ZMIZ1: variants seen among roughly 807,000 people sequenced by gnomAD.
The protein encoded by ZMIZ1 is zinc finger MIZ-type containing 1.
ZMIZ1 carries 17 observed loss-of-function variants against 113.9 expected under a neutral mutation model. That is an observed-to-expected ratio of 0.15 (90% confidence interval 0.10 to 0.22). ZMIZ1 has a LOEUF of 0.22. Among genes scored for constraint, ZMIZ1 ranks in the 10% least tolerant of loss-of-function variants. The pLI is 1.00. For synonymous variants in ZMIZ1, 607 were observed against 603.1 expected, an observed-to-expected ratio of 1.01 and a Z score of -0.09; for missense variants, 1,059 against 1,477.8, an observed-to-expected ratio of 0.72 and a Z score of 4.65.
intron 10 of ZMIZ1, 113 bp downstream of exon 10, chr10:79,291,289 C>T (rs1853479195): frequency 7.7e-7 from 1 of 1,301,480 alleles, no homozygotes; most frequent in African/African-American, 1.5e-5. Flanking sequence ...GAGAAGTTAT[C>T]CTCTGTTGTT....
At chr10:79,254,522 C>T (rs1280011710) in intron 7 of ZMIZ1, among the ~76,000 whole-genome samples, 2 of 152,246 alleles carry the variant, frequency 1.3e-5, no homozygotes, top group South Asian at 2.1e-4. Flanking sequence ...GATCCACCCA[C>T]GATGGGGCCT....
At chr10:79,196,747 C>T (rs573672828) in intron 4 of ZMIZ1, among the ~76,000 whole-genome samples, 1 of 152,360 alleles carries the variant, frequency 6.6e-6, no homozygotes, top group Non-Finnish European at 1.5e-5. Context: ...TTCCAGGCAA[C>T]AAGCATTTAT....
In ZMIZ1 at chr10:79,294,291, G is replaced by A. The variant is rs951697150; in HGVS notation, c.1230+638G>A. Reference sequence around the variant, plus strand: ...GGGAAGTGACTGGAAGGCAGACAGCGTGTTTCTTAGCTCTTGTTTCCATCC... The same window carrying A: ...GGGAAGTGACTGGAAGGCAGACAGCATGTTTCTTAGCTCTTGTTTCCATCC... On this transcript the variant is annotated intron_variant, in intron 12 of 24. Coordinates refer to ENST00000334512, the MANE Select transcript of ZMIZ1 (RefSeq NM_020338.4). 1.9e-5 allele frequency: 3 copies of A among 156,734 alleles called. No individual in the cohort carries two copies. The South Asian group carries it at 5.5e-4, about 29-fold the overall frequency. 9.7% of individuals were successfully genotyped at this position (156,734 alleles called of 1,614,324 possible).
intron 1 of ZMIZ1, among the ~76,000 whole-genome samples, chr10:79,076,760 C>T (rs1842488392): frequency 6.6e-6 from 1 of 152,094 alleles, no homozygotes; most frequent in Non-Finnish European, 1.5e-5. Context: ...ACACTTGAAC[C>T]CATGAGGTGG....
chr10:79,264,990 A>G (rs73304139), intron 7 of ZMIZ1, among the ~76,000 whole-genome samples: 2,937 of 152,206 alleles, frequency 0.019, 99 homozygotes, highest in African/African-American at 0.067. Flanking sequence ...TCCTGGGTCC[A>G]TGCATCCTGC....
chr10:79,175,583 CGTGTGTGTGTGTGTGTGT>C lies in ZMIZ1; in HGVS notation c.-50+13480_-50+13497del, dbSNP rs757004699. Among the ~76,000 whole-genome samples, 49 of 125,302 alleles carry C rather than the reference CGTGTGTGTGTGTGTGTGT, an allele frequency of 3.9e-4. 1 individual carries two copies. Among genetic ancestry groups the C allele is most frequent in the Non-Finnish European group, 6.1e-4 (37 of 60,338 alleles). 82.2% of individuals were successfully genotyped at this position (125,302 alleles called of 152,430 possible). Reference sequence around the variant, plus strand: ...GGACTTCTCTAATCTGTGCACTCTGCGTGTGTGTGTGTGTGTGTGTGTGTGTGTGTGTGTGTGTGTGTG... The same window carrying C: ...GGACTTCTCTAATCTGTGCACTCTGCGTGTGTGTGTGTGTGTGTGTGTGTG... On this transcript the variant is annotated intron_variant, in intron 4 of 24. Transcript: ENST00000334512.
chr10:79,125,513 C>T (rs974986833), intron 2 of ZMIZ1, among the ~76,000 whole-genome samples: 4 of 152,126 alleles, frequency 2.6e-5, no homozygotes, highest in Non-Finnish European at 4.4e-5. Context: ...TTACTGAGGG[C>T]GCTTCTCCCT....
chr10:79,109,682 G>A (rs562642645), intron 1 of ZMIZ1, among the ~76,000 whole-genome samples: 8 of 152,326 alleles, frequency 5.3e-5, no homozygotes, highest in Middle Eastern at 6.8e-3. Flanking sequence ...GCCCCGGGTC[G>A]TGGGAGAAGC....
At chr10:79,180,861 G>A (rs1298076404) in intron 4 of ZMIZ1, among the ~76,000 whole-genome samples, 1 of 152,242 alleles carries the variant, frequency 6.6e-6, no homozygotes, top group Non-Finnish European at 1.5e-5. Context: ...GGTCTTCGGG[G>A]CCAGCACACC....
intron 15 of ZMIZ1, among the ~76,000 whole-genome samples, 196 bp downstream of exon 15, chr10:79,298,776 G>T (rs530206897): frequency 6.6e-6 from 1 of 152,344 alleles, no homozygotes; most frequent in Admixed American, 6.5e-5. Context: ...CTGCCTGGGC[G>T]CCTGGAGGCT....
chr10:79,182,006 T>C (rs1425455094), intron 4 of ZMIZ1, among the ~76,000 whole-genome samples: 2 of 152,038 alleles, frequency 1.3e-5, no homozygotes, highest in Non-Finnish European at 2.9e-5. Flanking sequence ...ACTCACCCAG[T>C]GCCAAGCTGG....
rs1890219 is a variant in ZMIZ1, at chr10:79,073,111, G to A, written c.-337+3841G>A. 5.3e-5 allele frequency among the ~76,000 whole-genome samples: 8 copies of A among 152,306 alleles called. No homozygotes were observed. In the East Asian group the frequency reaches 1.4e-3, roughly 26 times the overall value. ...CTCCCTATTACCGGAGGAGATGGGC[G>A]AGAGGACCAAGGTGTCAGGAGGCTG... On this transcript the variant is annotated intron_variant, in intron 1 of 24. Transcript: ENST00000334512.
At chr10:79,103,845 G>T (rs1014702577) in intron 1 of ZMIZ1, among the ~76,000 whole-genome samples, 1 of 152,190 alleles carries the variant, frequency 6.6e-6, no homozygotes, top group Non-Finnish European at 1.5e-5. Flanking sequence ...GGAGGCAGAC[G>T]TAGGTGGAGG....
intron 1 of ZMIZ1, among the ~76,000 whole-genome samples, chr10:79,075,298 C>T (rs1414215600): frequency 6.6e-6 from 1 of 152,190 alleles, no homozygotes; most frequent in Non-Finnish European, 1.5e-5. Context: ...CTTAGGCCCA[C>T]AGAGGGACAG....
chr10:79,215,872 C>G (rs556730937), intron 6 of ZMIZ1, among the ~76,000 whole-genome samples: 1 of 152,110 alleles, frequency 6.6e-6, no homozygotes, highest in Non-Finnish European at 1.5e-5. Flanking sequence ...CAGCCGACTT[C>G]TAAAATGTGG....
chr10:79,303,717 G>A (rs1343863690), intron 18 of ZMIZ1, among the ~76,000 whole-genome samples: 1 of 152,200 alleles, frequency 6.6e-6, no homozygotes, highest in Admixed American at 6.5e-5. Flanking sequence ...CATGAGCTTT[G>A]CAGACATGCC....
chr10:79,264,114 G>C (rs1482439991), intron 7 of ZMIZ1, among the ~76,000 whole-genome samples: 1 of 152,220 alleles, frequency 6.6e-6, no homozygotes, highest in Non-Finnish European at 1.5e-5. Flanking sequence ...ATGAGAGCTG[G>C]AGTGCAGGCT....
rs572564560 is a variant in ZMIZ1 at position 79,071,923 on chromosome 10, A to C, written c.-337+2653A>C. ...TTTTGAAACGCTGTTTTCACATGTA[A>C]ATCTCAAAAGTTTAGACTTCTGAGA... On this transcript the variant is annotated intron_variant, in intron 1 of 24. Transcript: ENST00000334512. 2.0e-5 allele frequency among the ~76,000 whole-genome samples: 3 copies of C among 149,054 alleles called. No homozygotes were observed. The South Asian group carries it at 6.5e-4, about 32-fold the overall frequency.
At chr10:79,172,371 G>GCATGT (rs1846637633) in intron 4 of ZMIZ1, among the ~76,000 whole-genome samples, 1 of 152,146 alleles carries the variant, frequency 6.6e-6, no homozygotes. Context: ...AGCACCTGTG[G>GCATGT]CATGTCTGTC....
Sources: gnomAD v4.1 joint callset for allele counts (sites outside exome capture counted in the v4.1 genomes callset) on GRCh38, gnomAD v4.1.1 for gene constraint, MANE v1.5 for transcripts, NCBI Gene and HGNC (gene_info 2026-07-23, HGNC 2026-07-21) for gene names.